The following WDR72 variants were observed in gnomAD, a reference collection of about 807,000 sequenced individuals.
WDR72 encodes WD repeat domain 72, also known as WD repeat-containing protein 72.
A neutral mutation model predicts 124.2 loss-of-function variants in WDR72; 120 were observed. The ratio of observed to expected loss-of-function variants is 0.97; its 90% confidence interval spans 0.83 to 1.12. WDR72 has a LOEUF of 1.12. WDR72 is among the 50% of genes most tolerant of loss of function. WDR72 has a pLI of 0.00. For missense variants in WDR72, 1,387 were observed against 1,278.8 expected, an observed-to-expected ratio of 1.08 and a Z score of -1.29; for synonymous variants, 452 against 441.7, an observed-to-expected ratio of 1.02 and a Z score of -0.29.
In WDR72 at chr15:53,728,553, C is replaced by A. The variant is rs946842043; in HGVS notation, c.153+4444G>T. Among the ~76,000 whole-genome samples, 14 of 152,290 alleles carry A rather than the reference C, an allele frequency of 9.2e-5. 1 individual carries two copies. In the East Asian group the frequency reaches 2.7e-3, roughly 29 times the overall value. ...CAGTGTTGGTAAATATCAGGGCTGG[C>A]ACTTGACTAAGATCTCCATTCTTTG... On this transcript the variant is annotated intron_variant, in intron 2 of 19. Transcript: ENST00000360509.
chr15:53,717,295 G>A (rs2017741076), intron 3 of WDR72, among the ~76,000 whole-genome samples: 1 of 152,082 alleles, frequency 6.6e-6, no homozygotes, highest in Admixed American at 6.6e-5. Context: ...CCAGCATAGG[G>A]TAGTTTATAT....
chr15:53,673,320 A>G (rs1177912853), intron 13 of WDR72, among the ~76,000 whole-genome samples: 2 of 152,226 alleles, frequency 1.3e-5, no homozygotes, highest in Non-Finnish European at 2.9e-5. Context: ...AGGGAGAGAA[A>G]TAATTTAAAA....
At chr15:53,638,115 TGA>T (rs2014694650) in intron 14 of WDR72, among the ~76,000 whole-genome samples, 1 of 152,106 alleles carries the variant, frequency 6.6e-6, no homozygotes, top group South Asian at 2.1e-4. Flanking sequence ...AGGAATGAGG[TGA>T]ACAAACATAA....
chr15:53,641,160 A>C (rs1260324368), intron 14 of WDR72, among the ~76,000 whole-genome samples: 16 of 152,144 alleles, frequency 1.1e-4, no homozygotes, highest in Non-Finnish European at 5.9e-5. Context: ...GTTGGGATAT[A>C]ATTTTATATT....
At chr15:53,668,904 C>CAA (rs10640900) in intron 13 of WDR72, among the ~76,000 whole-genome samples, 989 of 70,796 alleles carry the variant, frequency 0.014, 14 homozygotes, top group East Asian at 0.084. Flanking sequence ...GACCTCGTCT[C>CAA]AAAAAAAAAA....
intron 1 of WDR72, among the ~76,000 whole-genome samples, chr15:53,758,986 T>C (rs7162653): frequency 0.31 from 47,213 of 151,614 alleles, 7,990 homozygotes; most frequent in South Asian, 0.47. Context: ...TTTATCTTCC[T>C]GCCTCTCATC....
intron 14 of WDR72, among the ~76,000 whole-genome samples, chr15:53,648,158 T>C (rs1190151960): frequency 6.6e-6 from 1 of 152,130 alleles, no homozygotes; most frequent in Non-Finnish European, 1.5e-5. Flanking sequence ...ACTAGTAGAA[T>C]AAAAGTTCTC....
chr15:53,567,223 C>G (rs1894333840), intron 18 of WDR72, among the ~76,000 whole-genome samples: 1 of 151,980 alleles, frequency 6.6e-6, no homozygotes, highest in Non-Finnish European at 1.5e-5. Context: ...GTAAATCCTT[C>G]CAGGAGTCCT....
At chr15:53,649,183 A>T (rs1454537894) in intron 14 of WDR72, among the ~76,000 whole-genome samples, 1 of 152,092 alleles carries the variant, frequency 6.6e-6, no homozygotes, top group Non-Finnish European at 1.5e-5. Flanking sequence ...CTTTGCAAAG[A>T]AACTATTACT....
intron 18 of WDR72, among the ~76,000 whole-genome samples, chr15:53,587,674 A>G (rs1595777351): frequency 6.6e-6 from 1 of 152,028 alleles, no homozygotes; most frequent in Non-Finnish European, 1.5e-5. Context: ...CTTTTTTTAA[A>G]ATTTCAAGAC....
At chr15:53,691,197 G>C (rs1018709904) in intron 13 of WDR72, among the ~76,000 whole-genome samples, 1 of 152,020 alleles carries the variant, frequency 6.6e-6, no homozygotes, top group East Asian at 1.9e-4. Context: ...CTACTGGCAC[G>C]TACCACTGTG....
chr15:53,600,516 T>C (rs1237140703), intron 17 of WDR72, among the ~76,000 whole-genome samples: 1 of 152,172 alleles, frequency 6.6e-6, no homozygotes, highest in Non-Finnish European at 1.5e-5. Context: ...AAGAGTCAGC[T>C]ACAAATCTGG....
chr15:53,529,164 A>ATATATATATATTTTTTTT (rs59003623), intron 18 of WDR72, among the ~76,000 whole-genome samples: 10 of 78,156 alleles, frequency 1.3e-4, no homozygotes, highest in African/African-American at 5.0e-4. Context: ...ATATATATAT[A>ATATATATATATTTTTTTT]TTTTTTTTTT....
chr15:53,551,009 C>T (rs117665938), intron 18 of WDR72, among the ~76,000 whole-genome samples: 65 of 152,198 alleles, frequency 4.3e-4, no homozygotes, highest in Admixed American at 3.5e-3. Flanking sequence ...CCTAATGAAG[C>T]TTGGAGGTCA....
At chr15:53,752,440 C>G (rs577360994) in intron 1 of WDR72, among the ~76,000 whole-genome samples, 4 of 152,246 alleles carry the variant, frequency 2.6e-5, no homozygotes, top group African/African-American at 9.6e-5. Context: ...GACACACACA[C>G]AGAGAAAGTC....
chr15:53,558,809 T>G (rs951208416), intron 18 of WDR72, among the ~76,000 whole-genome samples: 6 of 152,020 alleles, frequency 3.9e-5, no homozygotes, highest in African/African-American at 1.4e-4. Flanking sequence ...TAGCAGTAAA[T>G]GGCACCTGCC....
In WDR72 at chr15:53,515,351, T is replaced by C. The variant is rs1030778092; in HGVS notation, c.*2348A>G. On this transcript the variant is annotated 3_prime_UTR_variant, in exon 20 of 20. Coordinates refer to ENST00000360509, the MANE Select transcript of WDR72 (RefSeq NM_182758.4). ...TTATGATCACCACGTACGTGGTCTA[T>C]CCAGTTAACTGTGTGGCAATTTGCT... 7 of 152,102 alleles carry C rather than the reference T, an allele frequency of 4.6e-5. No individual in the cohort carries two copies. Among genetic ancestry groups the C allele is most frequent in the Admixed American group, 4.6e-4 (7 of 15,262 alleles). 9.4% of individuals were successfully genotyped at this position (152,102 alleles called of 1,614,324 possible).
At chr15:53,571,296 AC>A (rs542022824) in intron 18 of WDR72, among the ~76,000 whole-genome samples, 14 of 151,442 alleles carry the variant, frequency 9.2e-5, no homozygotes, top group Non-Finnish European at 1.9e-4. Flanking sequence ...AAACAAAAAA[AC>A]AAACAAAACA....
At chr15:53,638,334 G>A (rs2014702413) in intron 14 of WDR72, among the ~76,000 whole-genome samples, 1 of 152,128 alleles carries the variant, frequency 6.6e-6, no homozygotes, top group Admixed American at 6.5e-5. Flanking sequence ...GAGATGCTCA[G>A]GTCCAATATC....
Sources: gnomAD v4.1 joint callset for allele counts (sites outside exome capture counted in the v4.1 genomes callset) on GRCh38, gnomAD v4.1.1 for gene constraint, MANE v1.5 for transcripts, NCBI Gene and HGNC (gene_info 2026-07-23, HGNC 2026-07-21) for gene names.